SPRYD3: variants seen among roughly 807,000 people sequenced by gnomAD.
SPRYD3 encodes SPRY domain-containing protein 3.
SPRYD3 carries 17 observed loss-of-function variants against 50.1 expected under a neutral mutation model. That is an observed-to-expected ratio of 0.34 (90% CI 0.23 to 0.51). The LOEUF (loss-of-function observed/expected upper bound fraction) is 0.51. Among genes scored for constraint, SPRYD3 ranks in the 20% least tolerant of loss-of-function variants. The pLI is 0.97. For missense variants in SPRYD3, 401 were observed against 591.2 expected (o/e 0.68, Z 3.34); for synonymous variants, 198 against 215.5 (o/e 0.92, Z 0.71).
At position 53,074,140 on chromosome 12, in the gene SPRYD3, G is replaced by A. The variant is rs1428779533; in HGVS notation, c.507+509C>T. Among the ~76,000 whole-genome samples the A allele has an allele frequency of 6.6e-6, 1 of 152,198 alleles. No individual in the cohort carries two copies. Among genetic ancestry groups the A allele is most frequent in the Admixed American group, 6.5e-5 (1 of 15,276 alleles). ...GTGGGAGATGGAGTTGGAGAGAAGG[G>A]AGAGAGCTGTGTGTCTCTCTCTACT... is the stretch of plus-strand genomic sequence containing the variant. On this transcript the variant is annotated intron_variant, in intron 5 of 10. Coordinates refer to ENST00000301463, the MANE Select transcript of SPRYD3 (RefSeq NM_032840.3). The surrounding 1 kb of genome is among the most constrained non-coding windows in gnomAD (Gnocchi z 4.6).
chr12:53,067,475 T>C (rs1203231268), intron 8 of SPRYD3, among the ~76,000 whole-genome samples, 173 bp downstream of exon 8: 2 of 151,762 alleles, frequency 1.3e-5, no homozygotes, highest in African/African-American at 4.8e-5. Flanking sequence ...TTTCCAGAGC[T>C]GGGAGGAAAA....
rs1021651175 is a variant in SPRYD3 at position 53,066,711 on chromosome 12, A to G, written c.902-19T>C. 1 of 1,594,254 alleles carries G rather than the reference A, an allele frequency of 6.3e-7. No individual in the cohort carries two copies. Among genetic ancestry groups the G allele is most frequent in the African/African-American group, 1.3e-5 (1 of 74,672 alleles). On this transcript the variant is annotated intron_variant, in intron 8 of 10. Coordinates refer to ENST00000301463, the MANE Select transcript of SPRYD3 (RefSeq NM_032840.3). ...CCATCGTCTGTTGGAGGGAGGGGAA[A>G]GGACAAACACTTGAGGAAGGAGGGC...
rs1053920436 is a variant in SPRYD3 at position 53,068,250 on chromosome 12, C to A, written c.748G>T (p.Ala250Ser). 1 of 1,614,202 alleles carries A rather than the reference C, an allele frequency of 6.2e-7. No individual in the cohort carries two copies. The highest frequency in any genetic ancestry group is 1.3e-5 in the African/African-American group (1 of 75,064). ...KSIVDVGLAQ[A>S]RHPLSTRSHY... is the part of the protein sequence containing the mutation. ...CTGCGGGTGCTGAGTGGGTGCCGGG[C>A]CTGGGCCAGCCCCACATCCACGATG... is the stretch of plus-strand genomic sequence containing the variant. The change falls in exon 7 of 11, where the codon GCC (alanine) becomes TCC (serine). Residue 250 changes from alanine (A) to serine (S), a missense_variant. Transcript: ENST00000301463.
intron 6 of SPRYD3, among the ~76,000 whole-genome samples, chr12:53,070,068 C>T (rs958075527): frequency 2.0e-5 from 3 of 152,196 alleles, no homozygotes; most frequent in South Asian, 2.1e-4. Flanking sequence ...TGCTTTCTCA[C>T]GCTAAAAGCC....
At position 53,077,134 on chromosome 12, in the gene SPRYD3, C is replaced by T. The variant is rs1944594871; in HGVS notation, c.151G>A (p.Val51Ile). The T allele has an allele frequency of 6.2e-7, 1 of 1,614,140 alleles. No homozygotes were observed. Among genetic ancestry groups the T allele is most frequent in the Non-Finnish European group, 8.5e-7 (1 of 1,180,012 alleles). The change falls in exon 2 of 11, where the codon GTA (valine) becomes ATA (isoleucine). Residue 51 changes from valine to isoleucine, a missense_variant. Transcript: ENST00000301463. ...ACTCACCTTAAAGTATCTCCATCTA[C>T]AAGGATATGTTTGAACCTCTCCTGA... is the stretch of plus-strand genomic sequence containing the variant. ...RYQERFKHIL[V>I]DGDTLSYHGN...
intron 6 of SPRYD3, among the ~76,000 whole-genome samples, chr12:53,071,119 A>C (rs1358199323): frequency 6.6e-6 from 1 of 152,136 alleles, no homozygotes; most frequent in Non-Finnish European, 1.5e-5. Context: ...TGACAGGAGC[A>C]AGGAAGGGCT....
intron 1 of SPRYD3, among the ~76,000 whole-genome samples, chr12:53,078,363 C>A (rs1280635150): frequency 1.3e-5 from 2 of 151,816 alleles, no homozygotes; most frequent in African/African-American, 4.8e-5. Context: ...GTGGTGCGCA[C>A]CTGTAATCCC....
At chr12:53,068,492 G>A (rs536663321) in intron 6 of SPRYD3, among the ~76,000 whole-genome samples, 188 bp from the exon 7 acceptor site, 13 of 152,346 alleles carry the variant, frequency 8.5e-5, no homozygotes, top group Admixed American at 7.8e-4. Flanking sequence ...GATGGGGTGG[G>A]AGGCAAAGGG....
At chr12:53,077,026 T>TG in intron 2 of SPRYD3, 89 bp downstream of exon 2, 1 of 1,372,264 alleles carries the variant, frequency 7.3e-7, no homozygotes, top group Non-Finnish European at 1.0e-6. Flanking sequence ...TCCCCTTCTC[T>TG]GAAAAAATAA....
At position 53,065,712 on chromosome 12, in the gene SPRYD3, A is replaced by G. The variant is rs970402980; in HGVS notation, c.*120T>C. The G allele has an allele frequency of 1.9e-6, 2 of 1,048,832 alleles. No homozygotes were observed. The highest frequency in any genetic ancestry group is 3.2e-5 in the African/African-American group (2 of 62,560). 65.0% of individuals were successfully genotyped at this position (1,048,832 alleles called of 1,614,324 possible). ...GACAGGGGCCTGAGCCAGTGGGGGC[A>G]GAGTGACTACACACCTCCAGGGGCC... On this transcript the variant is annotated 3_prime_UTR_variant, in exon 11 of 11. Transcript: ENST00000301463.
chr12:53,066,207 G>A, intron 10 of SPRYD3, 107 bp downstream of exon 10: 1 of 1,538,490 alleles, frequency 6.5e-7, no homozygotes, highest in Non-Finnish European at 8.8e-7. Context: ...GGCAACGCCA[G>A]AGCTTCCCGT....
chr12:53,074,659 T>C lies in SPRYD3; in HGVS notation c.497A>G (p.Asn166Ser). 2 of 1,614,176 alleles carry C rather than the reference T, an allele frequency of 1.2e-6. No homozygotes were observed. The highest frequency in any genetic ancestry group is 1.7e-6 in the Non-Finnish European group (2 of 1,179,972). Residue 166 changes from asparagine (N) to serine (S), a missense_variant, in exon 5 of 11, where the codon AAT (asparagine) becomes AGT (serine). Coordinates refer to ENST00000301463, the MANE Select transcript of SPRYD3 (RefSeq NM_032840.3). This position sits in a 1 kb window ranked among gnomAD's most constrained non-coding sequence, Gnocchi z 4.6. ...VQTAQIFFTK[N>S]GKRVGSTIMP... ...CTATTTCCCACTCACCCGCTTCCCA[T>C]TTTTGGTGAAGAAGATCTGGGCGGT...
In SPRYD3 at chr12:53,066,489, A is replaced by T; in HGVS notation, c.1022-3T>A. Reference sequence around the variant, plus strand: ...GTCACAACTGTCATCACTGTCCCCTAGGAGACCAGGAAACCTGAGCTCCTG... The same window carrying T: ...GTCACAACTGTCATCACTGTCCCCTTGGAGACCAGGAAACCTGAGCTCCTG... On this transcript the variant is annotated splice_polypyrimidine_tract_variant and splice_region_variant and intron_variant, in intron 9 of 10. Coordinates refer to ENST00000301463, the MANE Select transcript of SPRYD3 (RefSeq NM_032840.3). 6.2e-7 allele frequency: 1 copy of T among 1,614,110 alleles called. No homozygotes were observed. Among genetic ancestry groups the T allele is most frequent in the Non-Finnish European group, 8.5e-7 (1 of 1,179,996 alleles).
intron 6 of SPRYD3, among the ~76,000 whole-genome samples, chr12:53,069,451 G>A (rs1215161195): frequency 6.6e-6 from 1 of 151,632 alleles, no homozygotes; most frequent in Non-Finnish European, 1.5e-5. Flanking sequence ...TCCAGCAGAG[G>A]CTGCTCCCGC....
chr12:53,068,372 G>C, intron 6 of SPRYD3, 68 bp from the exon 7 acceptor site: 1 of 1,572,830 alleles, frequency 6.4e-7, no homozygotes, highest in Non-Finnish European at 8.7e-7. Flanking sequence ...CTGGGCCCAA[G>C]GCAGTCTGGG....
rs1457303462 is a variant in SPRYD3, at chr12:53,066,756, T to A, written c.902-64A>T. The A allele has an allele frequency of 3.9e-6, 6 of 1,541,818 alleles. No homozygotes were observed. The Admixed American group carries it at 7.7e-5, about 20-fold the overall frequency. The stretch of plus-strand genomic sequence containing the variant: ...GAGGGCTGACACCACACCCCCAGAG[T>A]GGCTCATGAAGCTGAACACTTCCCA... On this transcript the variant is annotated intron_variant, in intron 8 of 10. Coordinates refer to ENST00000301463, the MANE Select transcript of SPRYD3 (RefSeq NM_032840.3).
chr12:53,079,056 C>A (rs1944612049), intron 1 of SPRYD3, among the ~76,000 whole-genome samples: 1 of 152,230 alleles, frequency 6.6e-6, no homozygotes, highest in South Asian at 2.1e-4. Flanking sequence ...CTACTGGGCC[C>A]TGTCTCCTCC....
At chr12:53,066,776 T>G in intron 8 of SPRYD3, 84 bp from the exon 9 acceptor site, 2 of 1,474,704 alleles carry the variant, frequency 1.4e-6, no homozygotes, top group Non-Finnish European at 1.8e-6. Context: ...AGCTGAACAC[T>G]TCCCACCCCT....
chr12:53,067,597 T>C, intron 8 of SPRYD3, 51 bp downstream of exon 8: 3 of 1,548,814 alleles, frequency 1.9e-6, no homozygotes, highest in Non-Finnish European at 2.7e-6. Flanking sequence ...GATGTCCCTA[T>C]GCCTCCACAT....
Sources: gnomAD v4.1 joint callset for allele counts (sites outside exome capture counted in the v4.1 genomes callset) on GRCh38, gnomAD v4.1.1 for gene constraint, Gnocchi (gnomAD v3.1) non-coding constraint, MANE v1.5 for transcripts, NCBI Gene and HGNC (gene_info 2026-07-23, HGNC 2026-07-21) for gene names.